The following NSF variants were observed in gnomAD, a reference collection of about 807,000 sequenced individuals.
NSF encodes N-ethylmaleimide sensitive factor, vesicle fusing ATPase.
Under a neutral mutation model 50.3 loss-of-function variants are expected in NSF, and 14 were observed. That is an observed-to-expected ratio of 0.28 (90% CI 0.18 to 0.44). The LOEUF is 0.44. Ranked by LOEUF, NSF falls within the 20% of genes least tolerant of loss-of-function variation. The pLI is 1.00. For missense variants in NSF, 218 were observed against 504.3 expected (o/e 0.43, Z 5.44); for synonymous variants, 109 against 175.7 (o/e 0.62, Z 3.00).
At chr17:46,726,723 A>G in intron 16 of NSF, 108 bp downstream of exon 16, 2 of 964,304 alleles carry the variant, frequency 2.1e-6, no homozygotes, top group Non-Finnish European at 3.4e-6. Flanking sequence ...AGCAATAGAA[A>G]TACCTTTCTT....
intron 17 of NSF, among the ~76,000 whole-genome samples, chr17:46,737,580 T>C (rs970239405): frequency 2.0e-5 from 3 of 151,372 alleles, no homozygotes; most frequent in East Asian, 1.9e-4. Flanking sequence ...TGCGTGTGTG[T>C]GTGTGTGTGT....
intron 17 of NSF, among the ~76,000 whole-genome samples, chr17:46,731,748 A>T (rs917109661): frequency 2.6e-5 from 4 of 152,208 alleles, no homozygotes; most frequent in African/African-American, 9.6e-5. Flanking sequence ...GTTCTCTCTG[A>T]AGGGAATACC....
rs1356308013 is a variant in NSF, at chr17:46,609,744, C to T, written c.13-14500C>T. Among the ~76,000 whole-genome samples, 7 of 145,376 alleles carry T rather than the reference C, an allele frequency of 4.8e-5. 1 individual carries two copies. The highest frequency in any genetic ancestry group is 7.6e-5 in the Non-Finnish European group (5 of 65,466). The stretch of plus-strand genomic sequence containing the variant: ...TTTAGATAAGTATAGTGTGGCCTTA[C>T]GGATGTAAGTCCGTAAGATCATGCA... On this transcript the variant is annotated intron_variant, in intron 1 of 20. Coordinates refer to ENST00000398238, the MANE Select transcript of NSF (RefSeq NM_006178.4).
intron 15 of NSF, chr17:46,722,172 T>C: frequency 6.2e-7 from 1 of 1,611,432 alleles, no homozygotes. Context: ...GAACATGGCT[T>C]TCTCCTGGGA....
At chr17:46,714,203 A>G (rs2058745681) in intron 15 of NSF, among the ~76,000 whole-genome samples, 1 of 152,180 alleles carries the variant, frequency 6.6e-6, no homozygotes, top group South Asian at 2.1e-4. Context: ...CTTCTAAATT[A>G]TGCTTTGTTT....
At chr17:46,699,108 TATTGGTGTTATTTTGCTTC>T (rs1367107387) in intron 12 of NSF, among the ~76,000 whole-genome samples, 1 of 55,452 alleles carries the variant, frequency 1.8e-5, no homozygotes, top group Non-Finnish European at 3.9e-5. Flanking sequence ...AAAAATCCAT[TATTGGTGTTATTTTGCTTC>T]CTTTTCAAAA....
At chr17:46,718,421 A>G (rs535249434) in intron 15 of NSF, among the ~76,000 whole-genome samples, 1 of 152,366 alleles carries the variant, frequency 6.6e-6, no homozygotes, top group East Asian at 1.9e-4. Flanking sequence ...TACATGCTTA[A>G]TGAGTTTCAC....
chr17:46,684,509 A>G (rs1264220905), intron 9 of NSF, among the ~76,000 whole-genome samples: 1 of 152,116 alleles, frequency 6.6e-6, no homozygotes, highest in Admixed American at 6.5e-5. Context: ...TCCTTCAGGA[A>G]TCACCACACT....
intron 17 of NSF, among the ~76,000 whole-genome samples, chr17:46,745,282 A>G (rs2059116842): frequency 2.0e-5 from 3 of 152,194 alleles, no homozygotes. Context: ...CACTACCACT[A>G]ATTAATACAC....
chr17:46,725,571 G>A (rs2058880315), intron 15 of NSF, among the ~76,000 whole-genome samples: 1 of 152,156 alleles, frequency 6.6e-6, no homozygotes, highest in Non-Finnish European at 1.5e-5. Context: ...TACACAGGTT[G>A]TTTTTAAACC....
intron 1 of NSF, among the ~76,000 whole-genome samples, chr17:46,610,103 CT>C (rs1568014101): frequency 1.4e-5 from 1 of 73,308 alleles, no homozygotes; most frequent in African/African-American, 3.9e-5. Flanking sequence ...CTCTCTTTCT[CT>C]CTCTCTCTCT....
intron 18 of NSF, among the ~76,000 whole-genome samples, 176 bp downstream of exon 18, chr17:46,750,083 T>C (rs1363651717): frequency 6.6e-6 from 1 of 152,238 alleles, no homozygotes; most frequent in Admixed American, 6.5e-5. Flanking sequence ...CCAGGCACGG[T>C]GGCTTATGCC....
chr17:46,724,417 C>T (rs1243985001), intron 15 of NSF, among the ~76,000 whole-genome samples: 2 of 152,186 alleles, frequency 1.3e-5, no homozygotes, highest in African/African-American at 4.8e-5. Flanking sequence ...ATAGAGGCCC[C>T]GCCTTACATC....
chr17:46,688,240 A>G (rs1305101857), intron 9 of NSF, among the ~76,000 whole-genome samples: 3 of 151,000 alleles, frequency 2.0e-5, no homozygotes, highest in Non-Finnish European at 4.4e-5. Flanking sequence ...GCTGGGCCCA[A>G]TGGCTCACGC....
chr17:46,730,008 G>A (rs890050644), intron 17 of NSF, among the ~76,000 whole-genome samples: 5 of 152,116 alleles, frequency 3.3e-5, no homozygotes, highest in African/African-American at 1.2e-4. Context: ...TACTAAGGGT[G>A]AAGTTAGAGA....
At chr17:46,710,182 A>G (rs2058704833) in intron 13 of NSF, among the ~76,000 whole-genome samples, 1 of 152,204 alleles carries the variant, frequency 6.6e-6, no homozygotes, top group Non-Finnish European at 1.5e-5. Flanking sequence ...TGATCTTTAC[A>G]TGTAGTAGGT....
rs368488520 is a variant in NSF, at chr17:46,736,928, C to A, written c.1908+7994C>A. On this transcript the variant is annotated intron_variant, in intron 17 of 20. Coordinates refer to ENST00000398238, the MANE Select transcript of NSF (RefSeq NM_006178.4). The stretch of plus-strand genomic sequence containing the variant: ...GTGCCATGCTCCCCATCTAAACTTA[C>A]CATGGTTGAATGCCAGTGTGACTAA... Among the ~76,000 whole-genome samples the A allele has an allele frequency of 3.9e-4, 60 of 152,334 alleles. 1 individual carries two copies. In the South Asian group the frequency reaches 0.012, roughly 32 times the overall value.
chr17:46,621,243 C>T (rs71375358), intron 1 of NSF, among the ~76,000 whole-genome samples: 37 of 149,996 alleles, frequency 2.5e-4, no homozygotes, highest in Non-Finnish European at 1.6e-4. Context: ...TGAATGAAGC[C>T]GTTAAAGGCT....
At chr17:46,728,727 T>C in intron 16 of NSF, 128 bp from the exon 17 acceptor site, 2 of 502,400 alleles carry the variant, frequency 4.0e-6, no homozygotes, top group Non-Finnish European at 6.8e-6. Context: ...TTTTTTCTTA[T>C]TCTATACATA....
Sources: allele counts gnomAD v4.1 joint callset (sites outside exome capture counted in the v4.1 genomes callset), GRCh38; gene constraint gnomAD v4.1.1; transcripts MANE v1.5; gene names NCBI Gene and HGNC (gene_info 2026-07-23, HGNC 2026-07-21).